STAG1: variants seen among roughly 807,000 people sequenced by gnomAD.
STAG1 encodes STAG1 cohesin complex component, also known as cohesin subunit SA-1.
In STAG1, 26 loss-of-function variants were observed where a neutral mutation model predicts 170.9. The observed-to-expected ratio is 0.15, with a 90% confidence interval of 0.11 to 0.21. The LOEUF (loss-of-function observed/expected upper bound fraction) is 0.21. STAG1 is among the 10% of genes least tolerant of loss of function. The pLI is 1.00. For missense variants in STAG1, 964 were observed against 1,509.5 expected, an observed-to-expected ratio of 0.64 and a Z score of 5.99; for synonymous variants, 514 against 497.7, an observed-to-expected ratio of 1.03 and a Z score of -0.44.
intron 15 of STAG1, among the ~76,000 whole-genome samples, chr3:136,438,240 C>CTTTTTTTT (rs371190637): frequency 3.1e-5 from 4 of 128,190 alleles, no homozygotes; most frequent in Admixed American, 8.7e-5. Flanking sequence ...AGTTTCTTTT[C>CTTTTTTTT]TTTTTTTTTT....
At chr3:136,403,562 GATTTGA>G (rs1396206823) in intron 21 of STAG1, among the ~76,000 whole-genome samples, 1 of 152,002 alleles carries the variant, frequency 6.6e-6, no homozygotes, top group Non-Finnish European at 1.5e-5. Context: ...GAAAAGACAA[GATTTGA>G]ATTTGAAACA....
At chr3:136,404,864 T>C (rs1360182669) in intron 21 of STAG1, among the ~76,000 whole-genome samples, 1 of 20,786 alleles carries the variant, frequency 4.8e-5, no homozygotes, top group East Asian at 0.011. Context: ...TATGCATATA[T>C]GTGTGTGTGT....
chr3:136,420,982 G>T (rs1197206446), intron 20 of STAG1, 111 bp downstream of exon 20: 2 of 584,232 alleles, frequency 3.4e-6, no homozygotes, highest in African/African-American at 3.8e-5. Context: ...GTTTCGCCAG[G>T]CTGGTCTCCA....
At chr3:136,469,720 T>A (rs987591688) in intron 12 of STAG1, among the ~76,000 whole-genome samples, 1 of 152,016 alleles carries the variant, frequency 6.6e-6, no homozygotes, top group East Asian at 1.9e-4. Flanking sequence ...CATCAGGCTA[T>A]CTGACTTCAA....
intron 31 of STAG1, 46 bp downstream of exon 31, chr3:136,341,394 GC>G: frequency 8.3e-7 from 1 of 1,202,798 alleles, no homozygotes; most frequent in South Asian, 1.3e-5. Flanking sequence ...AAAATGATGG[GC>G]ATCACATAGT....
intron 28 of STAG1, among the ~76,000 whole-genome samples, chr3:136,352,013 A>G (rs1177503113): frequency 1.3e-5 from 2 of 152,216 alleles, no homozygotes; most frequent in Non-Finnish European, 2.9e-5. Flanking sequence ...CAAGGCAGAG[A>G]AAACAGATTT....
At chr3:136,709,932 G>A (rs1369071811) in intron 1 of STAG1, among the ~76,000 whole-genome samples, 3 of 151,946 alleles carry the variant, frequency 2.0e-5, no homozygotes, top group Non-Finnish European at 4.4e-5. Context: ...CTACTGGGAA[G>A]GCTAAGGCAT....
chr3:136,649,011 C>T (rs992702680), intron 1 of STAG1, among the ~76,000 whole-genome samples: 1 of 152,140 alleles, frequency 6.6e-6, no homozygotes, highest in Non-Finnish European at 1.5e-5. Context: ...GTTCTGGGTC[C>T]TCCCCGGTCT....
chr3:136,647,491 C>T lies in STAG1; in HGVS notation c.-83-16510G>A, dbSNP rs1231930408. On this transcript the variant is annotated intron_variant, in intron 1 of 33. Coordinates refer to ENST00000383202, the MANE Select transcript of STAG1 (RefSeq NM_005862.3). The stretch of plus-strand genomic sequence containing the variant: ...GGCTGAGGCAGGAGACTCGCTTGAA[C>T]CCGGGAGGCAGAGGTTGCTGTGAGC... Among the ~76,000 whole-genome samples the T allele has an allele frequency of 9.2e-5, 14 of 152,168 alleles. No homozygotes were observed. In the South Asian group the frequency reaches 1.7e-3, roughly 18 times the overall value.
chr3:136,622,654 C>T (rs112754994), intron 3 of STAG1, among the ~76,000 whole-genome samples: 177 of 152,262 alleles, frequency 1.2e-3, no homozygotes, highest in African/African-American at 2.5e-3. Context: ...AAGCAGATAA[C>T]AGTATCTTCT....
chr3:136,723,362 G>A (rs1217286111), intron 1 of STAG1, among the ~76,000 whole-genome samples: 4 of 150,200 alleles, frequency 2.7e-5, no homozygotes, highest in Non-Finnish European at 3.0e-5. Flanking sequence ...TGGGATGTGA[G>A]GAGCACCTCT....
At chr3:136,359,360 ATAGG>A (rs1464671837) in intron 26 of STAG1, 64 bp from the exon 27 acceptor site, 5 of 1,214,760 alleles carry the variant, frequency 4.1e-6, no homozygotes, top group African/African-American at 3.1e-5. Flanking sequence ...TATTTTCAGA[ATAGG>A]TAATTAAAAA....
chr3:136,484,786 C>T (rs1296059278), intron 9 of STAG1, among the ~76,000 whole-genome samples: 3 of 151,402 alleles, frequency 2.0e-5, no homozygotes, highest in South Asian at 4.2e-4. Context: ...CCTGGTGCGC[C>T]GTTTTTTAAG....
chr3:136,641,130 C>G (rs1453164721), intron 1 of STAG1, among the ~76,000 whole-genome samples: 1 of 152,018 alleles, frequency 6.6e-6, no homozygotes, highest in East Asian at 1.9e-4. Context: ...TTTACAGATA[C>G]AAAGTTGAAT....
chr3:136,632,679 A>G (rs1463308486), intron 1 of STAG1, among the ~76,000 whole-genome samples: 5 of 152,072 alleles, frequency 3.3e-5, no homozygotes, highest in African/African-American at 1.2e-4. Flanking sequence ...AAAGACTCCC[A>G]CGTATTCTGG....
At chr3:136,467,961 T>C (rs969489941) in intron 12 of STAG1, among the ~76,000 whole-genome samples, 5 of 151,988 alleles carry the variant, frequency 3.3e-5, no homozygotes, top group Admixed American at 2.6e-4. Flanking sequence ...TTGAAACCAA[T>C]GAGAACAAAG....
At chr3:136,653,301 A>G (rs1168081980) in intron 1 of STAG1, among the ~76,000 whole-genome samples, 1 of 152,028 alleles carries the variant, frequency 6.6e-6, no homozygotes, top group Non-Finnish European at 1.5e-5. Context: ...CAAAGAAAAA[A>G]GAACTAGCAA....
intron 7 of STAG1, among the ~76,000 whole-genome samples, chr3:136,513,840 G>A (rs896047860): frequency 6.6e-6 from 1 of 151,682 alleles, no homozygotes; most frequent in African/African-American, 2.4e-5. Flanking sequence ...GATAATAGGG[G>A]ATCTAAAAAA....
chr3:136,341,648 C>T, intron 30 of STAG1, 97 bp from the exon 31 acceptor site: 2 of 730,638 alleles, frequency 2.7e-6, no homozygotes, highest in Non-Finnish European at 2.3e-6. Context: ...TACTTAATCC[C>T]ATGTTGGAGG....
Sources: allele counts gnomAD v4.1 joint callset (sites outside exome capture counted in the v4.1 genomes callset), GRCh38; gene constraint gnomAD v4.1.1; transcripts MANE v1.5; gene names NCBI Gene and HGNC (gene_info 2026-07-23, HGNC 2026-07-21).